The following PALLD variants were observed in gnomAD, a reference collection of about 807,000 sequenced individuals.
The protein encoded by PALLD is palladin, cytoskeletal associated protein, also known as palladin.
Under a neutral mutation model 123.5 loss-of-function variants are expected in PALLD, and 61 were observed. The ratio of observed to expected loss-of-function variants is 0.49; its 90% CI spans 0.40 to 0.61. The LOEUF (loss-of-function observed/expected upper bound fraction) is 0.61, where lower values mean the gene tolerates loss of function less well. Ranked by LOEUF, PALLD falls within the 20% of genes least tolerant of loss-of-function variation. PALLD has a pLI of 0.00. For synonymous variants in PALLD, 465 were observed against 496.4 expected (o/e 0.94, Z 0.84); for missense variants, 1,273 against 1,377.0 (o/e 0.92, Z 1.20).
intron 10 of PALLD, among the ~76,000 whole-genome samples, chr4:168,800,803 G>A (rs540145350): frequency 6.6e-6 from 1 of 152,238 alleles, no homozygotes; most frequent in African/African-American, 2.4e-5. Context: ...CCAGAGACAC[G>A]TAACCCAAAT....
intron 15 of PALLD, 126 bp from the exon 16 acceptor site, chr4:168,913,801 T>C: frequency 1.4e-6 from 1 of 737,666 alleles, no homozygotes; most frequent in East Asian, 2.7e-5. Flanking sequence ...GGTTAGTCAT[T>C]ACTCAAATGG....
chr4:168,519,719 T>A (rs1561202525), intron 2 of PALLD, among the ~76,000 whole-genome samples: 1 of 152,012 alleles, frequency 6.6e-6, no homozygotes, highest in East Asian at 1.9e-4. Context: ...TTAGGACTAG[T>A]GAGAGGGAAT....
intron 10 of PALLD, among the ~76,000 whole-genome samples, chr4:168,870,504 A>C (rs548920941): frequency 3.3e-5 from 5 of 152,214 alleles, no homozygotes; most frequent in African/African-American, 1.2e-4. Context: ...AAACTGATAT[A>C]TACGTTTTTC....
At chr4:168,504,064 T>A (rs1053180293) in intron 1 of PALLD, among the ~76,000 whole-genome samples, 1 of 152,210 alleles carries the variant, frequency 6.6e-6, no homozygotes, top group African/African-American at 2.4e-5. Context: ...GTCTAATCCC[T>A]CCTACTGGAT....
intron 10 of PALLD, among the ~76,000 whole-genome samples, chr4:168,769,990 C>T (rs1454204026): frequency 3.3e-5 from 5 of 152,206 alleles, no homozygotes; most frequent in African/African-American, 9.6e-5. Context: ...CACAGGCAGA[C>T]ATCCAAATCT....
chr4:168,540,817 A>C (rs1765539676), intron 2 of PALLD, among the ~76,000 whole-genome samples: 1 of 152,146 alleles, frequency 6.6e-6, no homozygotes, highest in Non-Finnish European at 1.5e-5. Flanking sequence ...AAAAAAAAAA[A>C]AAAGCACTTG....
intron 2 of PALLD, among the ~76,000 whole-genome samples, chr4:168,602,313 A>T (rs1772749144): frequency 1.3e-5 from 2 of 152,346 alleles, no homozygotes; most frequent in East Asian, 3.9e-4. Flanking sequence ...AGAAACAAAC[A>T]CTGATTGAGA....
intron 14 of PALLD, among the ~76,000 whole-genome samples, chr4:168,899,917 C>CAA (rs1172762037): frequency 4.6e-5 from 5 of 109,008 alleles, no homozygotes; most frequent in Non-Finnish European, 3.9e-5. Context: ...GACTCCGTCT[C>CAA]AAAAAAAAAA....
At chr4:168,498,561 A>T (rs1304461258) in intron 1 of PALLD, among the ~76,000 whole-genome samples, 2 of 152,314 alleles carry the variant, frequency 1.3e-5, no homozygotes, top group East Asian at 3.9e-4. Flanking sequence ...TCCACTTCTT[A>T]AACAATATGT....
intron 10 of PALLD, among the ~76,000 whole-genome samples, chr4:168,816,064 G>T (rs978485312): frequency 6.6e-6 from 1 of 152,144 alleles, no homozygotes; most frequent in Non-Finnish European, 1.5e-5. Context: ...ACCACCATCC[G>T]CTTTGTTCCG....
intron 10 of PALLD, among the ~76,000 whole-genome samples, chr4:168,789,757 T>G (rs933914142): frequency 7.2e-5 from 11 of 151,968 alleles, no homozygotes; most frequent in African/African-American, 1.7e-4. Flanking sequence ...CACAAACACT[T>G]TCGTATTTTC....
intron 2 of PALLD, among the ~76,000 whole-genome samples, chr4:168,520,339 A>G (rs1348893979): frequency 5.0e-5 from 4 of 80,372 alleles, no homozygotes; most frequent in Admixed American, 1.4e-4. Context: ...AAAAAAAAAA[A>G]AAAAAAAAAG....
chr4:168,732,210 T>TATC (rs1260666277), intron 10 of PALLD, among the ~76,000 whole-genome samples: 1 of 152,210 alleles, frequency 6.6e-6, no homozygotes, highest in Non-Finnish European at 1.5e-5. Context: ...TATTCCACAA[T>TATC]ATCATGTGTA....
chr4:168,534,567 AT>A (rs1180779636), intron 2 of PALLD, among the ~76,000 whole-genome samples: 1 of 152,202 alleles, frequency 6.6e-6, no homozygotes, highest in African/African-American at 2.4e-5. Flanking sequence ...AGAACTATTC[AT>A]TTCAAATGGT....
intron 10 of PALLD, among the ~76,000 whole-genome samples, chr4:168,752,091 C>A (rs1731137656): frequency 6.6e-6 from 1 of 152,188 alleles, no homozygotes; most frequent in South Asian, 2.1e-4. Flanking sequence ...AAGTCAATTT[C>A]TTGTAGGCTG....
intron 2 of PALLD, among the ~76,000 whole-genome samples, chr4:168,579,869 A>C (rs1005315503): frequency 8.5e-5 from 13 of 152,126 alleles, no homozygotes; most frequent in Non-Finnish European, 5.9e-5. Context: ...CTCAGCTCAC[A>C]TAGTTACAGC....
chr4:168,683,895 T>C (rs546194550), intron 5 of PALLD, among the ~76,000 whole-genome samples: 3 of 152,258 alleles, frequency 2.0e-5, no homozygotes, highest in African/African-American at 7.2e-5. Flanking sequence ...TAGAGGCCAA[T>C]AGGTGCTATC....
intron 3 of PALLD, among the ~76,000 whole-genome samples, chr4:168,671,111 A>G (rs189156512): frequency 2.9e-4 from 44 of 152,108 alleles, no homozygotes; most frequent in African/African-American, 1.1e-3. Flanking sequence ...TATAAAAGTT[A>G]AATGCATGAT....
At chr4:168,599,525 G>GA (rs60496546) in intron 2 of PALLD, among the ~76,000 whole-genome samples, 15,065 of 152,196 alleles carry the variant, frequency 0.099, 813 homozygotes, top group Admixed American at 0.13. Context: ...TGTAACAGAT[G>GA]AAAAAATGGA....
Sources: gnomAD v4.1 joint callset for allele counts (sites outside exome capture counted in the v4.1 genomes callset) on GRCh38, gnomAD v4.1.1 for gene constraint, MANE v1.5 for transcripts, NCBI Gene and HGNC (gene_info 2026-07-23, HGNC 2026-07-21) for gene names.